Variants in PRKN observed in about 807,000 individuals in gnomAD.
PRKN encodes E3 ubiquitin-protein ligase parkin.
In PRKN, 56 loss-of-function variants were observed where a neutral mutation model predicts 59.5. The observed-to-expected ratio is 0.94, with a 90% CI of 0.76 to 1.18. The LOEUF is 1.18. Among genes scored for constraint, PRKN ranks in the 50% most tolerant of loss-of-function variants. The pLI is 0.00. For synonymous variants in PRKN, 250 were observed against 222.1 expected, an observed-to-expected ratio of 1.13 and a Z score of -1.12; for missense variants, 657 against 596.4, an observed-to-expected ratio of 1.10 and a Z score of -1.06.
At chr6:161,511,129 C>T (rs1412941308) in intron 9 of PRKN, among the ~76,000 whole-genome samples, 1 of 152,030 alleles carries the variant, frequency 6.6e-6, no homozygotes, top group East Asian at 1.9e-4. Context: ...ACAATGACAT[C>T]GTTTACTAGG....
chr6:161,430,739 T>C (rs199514548), intron 9 of PRKN, among the ~76,000 whole-genome samples: 5,018 of 130,630 alleles, frequency 0.038, 316 homozygotes, highest in African/African-American at 0.14. Flanking sequence ...GGCGTGAACC[T>C]GGGAGGCGGA....
chr6:161,662,254 T>C (rs1211898752), intron 7 of PRKN, among the ~76,000 whole-genome samples: 1 of 152,124 alleles, frequency 6.6e-6, no homozygotes, highest in Non-Finnish European at 1.5e-5. Flanking sequence ...AGATTTAGCC[T>C]GACTGCACTC....
intron 7 of PRKN, among the ~76,000 whole-genome samples, chr6:161,680,847 A>G (rs1379135916): frequency 2.7e-5 from 4 of 149,070 alleles, no homozygotes; most frequent in Non-Finnish European, 5.9e-5. Flanking sequence ...AAATGTATAA[A>G]ACTAAATCAA....
At chr6:162,414,839 T>C (rs1788546500) in intron 2 of PRKN, among the ~76,000 whole-genome samples, 1 of 152,126 alleles carries the variant, frequency 6.6e-6, no homozygotes, top group Non-Finnish European at 1.5e-5. Context: ...CTGATTATCA[T>C]TGATGTCCAT....
At chr6:162,440,149 T>C (rs923475158) in intron 2 of PRKN, among the ~76,000 whole-genome samples, 1 of 152,212 alleles carries the variant, frequency 6.6e-6, no homozygotes, top group Non-Finnish European at 1.5e-5. Flanking sequence ...TTTTTAAAGT[T>C]CTTAAAGTCT....
intron 9 of PRKN, among the ~76,000 whole-genome samples, chr6:161,500,137 T>C (rs1418209157): frequency 6.6e-6 from 1 of 152,216 alleles, no homozygotes; most frequent in East Asian, 1.9e-4. Context: ...TTTAGAATTT[T>C]TCATTTTTCA....
intron 1 of PRKN, among the ~76,000 whole-genome samples, chr6:162,633,246 C>T (rs913840895): frequency 3.3e-5 from 5 of 151,324 alleles, no homozygotes; most frequent in African/African-American, 4.9e-5. Context: ...CCAGCCTGGC[C>T]GACGTGGTGA....
intron 2 of PRKN, among the ~76,000 whole-genome samples, chr6:162,328,240 T>C (rs1783399214): frequency 1.4e-5 from 2 of 145,390 alleles, no homozygotes. Context: ...ACACCTGTAG[T>C]CCTAGCTACT....
chr6:162,642,073 T>C lies in PRKN; in HGVS notation c.7+85589A>G, dbSNP rs1296980001. Among the ~76,000 whole-genome samples the C allele has an allele frequency of 2.0e-5, 3 of 152,352 alleles. No homozygotes were observed. The East Asian group carries it at 5.8e-4, about 29-fold the overall frequency. ...TTACACAAATGCACTTACACAGTTG[T>C]GTTCCTTGTCATAATTCCTCCTTGT... On this transcript the variant is annotated intron_variant, in intron 1 of 11. Transcript: ENST00000366898.
At chr6:162,570,560 C>T (rs1053157824) in intron 1 of PRKN, among the ~76,000 whole-genome samples, 3 of 152,140 alleles carry the variant, frequency 2.0e-5, no homozygotes, top group Non-Finnish European at 2.9e-5. Context: ...GATTTGGAAG[C>T]AACCTAAGCA....
chr6:161,489,761 GATTT>G (rs1470994635), intron 9 of PRKN, among the ~76,000 whole-genome samples: 1 of 152,044 alleles, frequency 6.6e-6, no homozygotes, highest in East Asian at 1.9e-4. Context: ...GTTGAGACCT[GATTT>G]ATTAGGTGAA....
intron 4 of PRKN, among the ~76,000 whole-genome samples, chr6:162,088,790 T>G (rs577583558): frequency 5.9e-5 from 9 of 152,256 alleles, no homozygotes; most frequent in Non-Finnish European, 1.2e-4. Context: ...AACCAAATAT[T>G]TGATTCGTTT....
In PRKN at chr6:161,349,831, A is replaced by C. The variant is rs893623989; in HGVS notation, c.*268T>G. 1.8e-6 allele frequency: 1 copy of C among 544,740 alleles called. No individual in the cohort carries two copies. Among genetic ancestry groups the C allele is most frequent in the Non-Finnish European group, 3.3e-6 (1 of 299,456 alleles). The allele number at this position is 544,740 out of a possible 1,614,324, so 33.7% of individuals were successfully genotyped here. On this transcript the variant is annotated 3_prime_UTR_variant, in exon 12 of 12. Transcript: ENST00000366898. This position sits in a 1 kb window ranked among gnomAD's most constrained non-coding sequence, Gnocchi z 5.5. ...TGAGAACGCCTGTTGGTGGTGTCGC[A>C]GATGGCTCTGCTGTCTTGTGTGGAC...
At chr6:161,435,509 G>A (rs750786788) in intron 9 of PRKN, among the ~76,000 whole-genome samples, 30 of 151,658 alleles carry the variant, frequency 2.0e-4, no homozygotes, top group South Asian at 4.2e-4. Context: ...AAATATTGGC[G>A]CATTAAAAAA....
chr6:161,515,925 T>C (rs1778570357), intron 9 of PRKN, among the ~76,000 whole-genome samples: 1 of 152,226 alleles, frequency 6.6e-6, no homozygotes, highest in Non-Finnish European at 1.5e-5. Context: ...TGATAATTTC[T>C]GGCAAAGGAG....
chr6:162,320,814 G>T (rs1782989355), intron 2 of PRKN, among the ~76,000 whole-genome samples: 2 of 151,688 alleles, frequency 1.3e-5, no homozygotes, highest in South Asian at 4.1e-4. Context: ...AAGAAGAAAT[G>T]AAAATGGAAA....
intron 6 of PRKN, among the ~76,000 whole-genome samples, chr6:161,865,281 T>A (rs1794068564): frequency 6.6e-6 from 1 of 152,208 alleles, no homozygotes; most frequent in African/African-American, 2.4e-5. Flanking sequence ...TTGTTCCCTT[T>A]ATAGAGCACA....
intron 9 of PRKN, among the ~76,000 whole-genome samples, chr6:161,416,749 A>G (rs1432373910): frequency 2.0e-5 from 3 of 152,184 alleles, no homozygotes; most frequent in African/African-American, 7.2e-5. Context: ...TCTGACCATA[A>G]GACAAAGTGC....
In PRKN at chr6:161,457,328, T is replaced by C. The variant is rs915484289; in HGVS notation, c.1084-70451A>G. On this transcript the variant is annotated intron_variant, in intron 9 of 11. Transcript: ENST00000366898. This position sits in a 1 kb window ranked among gnomAD's most constrained non-coding sequence, Gnocchi z 5.0. Reference sequence around the variant, plus strand: ...TCAAGATTCCTCCACTTACACAATATATTGACACTAACTCTGAATGCATCC... The same window carrying C: ...TCAAGATTCCTCCACTTACACAATACATTGACACTAACTCTGAATGCATCC... 6.6e-6 allele frequency among the ~76,000 whole-genome samples: 1 copy of C among 152,222 alleles called. No homozygotes were observed. Among genetic ancestry groups the C allele is most frequent in the Admixed American group, 6.5e-5 (1 of 15,284 alleles).
Sources: gnomAD v4.1 joint callset for allele counts (sites outside exome capture counted in the v4.1 genomes callset) on GRCh38, gnomAD v4.1.1 for gene constraint, Gnocchi (gnomAD v3.1) non-coding constraint, MANE v1.5 for transcripts, NCBI Gene and HGNC (gene_info 2026-07-23, HGNC 2026-07-21) for gene names.